Variants in CEP43 observed in about 807,000 individuals in gnomAD.
CEP43 encodes FGFR1 oncogene partner.
A neutral mutation model predicts 52.6 loss-of-function variants in CEP43; 36 were observed. The ratio of observed to expected loss-of-function variants is 0.68; its 90% CI spans 0.52 to 0.90. The LOEUF (loss-of-function observed/expected upper bound fraction) is 0.90. Among genes scored for constraint, CEP43 ranks in the 40% least tolerant of loss-of-function variants. The pLI is 0.00. For missense variants in CEP43, 506 were observed against 472.8 expected (o/e 1.07, Z -0.65); for synonymous variants, 192 against 172.4 (o/e 1.11, Z -0.89).
At chr6:167,027,998 GC>G in intron 10 of CEP43, 1 of 985,858 alleles carries the variant, frequency 1.0e-6, no homozygotes, top group Non-Finnish European at 1.2e-6. Context: ...AGCTAGGTGG[GC>G]CTGCCTCCTT....
At chr6:167,007,754 A>G (rs1480604357) in intron 5 of CEP43, among the ~76,000 whole-genome samples, 1 of 152,224 alleles carries the variant, frequency 6.6e-6, no homozygotes, top group Non-Finnish European at 1.5e-5. Context: ...AACCACCTCA[A>G]GAATCAGGTT....
At chr6:167,037,771 G>C (rs760632759) in intron 12 of CEP43, among the ~76,000 whole-genome samples, 7 of 152,192 alleles carry the variant, frequency 4.6e-5, no homozygotes, top group Non-Finnish European at 7.3e-5. Flanking sequence ...TCCTATTCTT[G>C]TGCGTTATTA....
chr6:167,012,125 C>T (rs1484786289), intron 6 of CEP43, among the ~76,000 whole-genome samples: 1 of 152,164 alleles, frequency 6.6e-6, no homozygotes, highest in African/African-American at 2.4e-5. Context: ...AGATGAACTT[C>T]CAGGACGTAG....
chr6:167,004,053 C>T (rs1230434533), intron 4 of CEP43: 5 of 597,254 alleles, frequency 8.4e-6, no homozygotes, highest in East Asian at 2.8e-5. Flanking sequence ...AATTTTGATA[C>T]GATGTTAGAG....
At chr6:167,014,427 T>A (rs1178830362) in intron 7 of CEP43, among the ~76,000 whole-genome samples, 1 of 152,206 alleles carries the variant, frequency 6.6e-6, no homozygotes, top group Non-Finnish European at 1.5e-5. Flanking sequence ...TCCAGTAGAT[T>A]AGCTGCTTAT....
In CEP43 at chr6:167,004,300, G is replaced by A. The variant is rs780519335; in HGVS notation, c.337G>A (p.Asp113Asn). ...CGAAGGTCGAGAGAATTTAGCCCGA[G>A]ATTTAGGTATAATTGAAGCAGAAGG... ...GLEGRENLAR[D>N]LGIIEAEGTV... Residue 113 changes from aspartate (D) to asparagine (N), a missense_variant, in exon 5 of 13, where the codon GAT becomes AAT. Asp to Asn is a conservative substitution (Grantham distance 23). Transcript: ENST00000366847. 1 of 1,609,412 alleles carries A rather than the reference G, an allele frequency of 6.2e-7. No individual in the cohort carries two copies. Among genetic ancestry groups the A allele is most frequent in the Non-Finnish European group, 8.5e-7 (1 of 1,177,750 alleles).
chr6:167,029,375 A>G (rs1780420655), intron 10 of CEP43, among the ~76,000 whole-genome samples: 1 of 152,272 alleles, frequency 6.6e-6, no homozygotes, highest in Admixed American at 6.5e-5. Flanking sequence ...GCTTGGGACC[A>G]GAAGTATTTC....
At position 167,004,393 on chromosome 6, in the gene CEP43, A is replaced by G. The variant is rs750026770; in HGVS notation, c.430A>G (p.Thr144Ala). Residue 144 changes from threonine to alanine, a missense_variant, in exon 5 of 13, where the codon ACT (threonine) becomes GCT (alanine). Coordinates refer to ENST00000366847, the MANE Select transcript of CEP43 (RefSeq NM_007045.4). Reference sequence around the variant, plus strand: ...TCAACAGAAAGAAAAAGGGCCAACCACTGGGGAAGTAAGTAGAATTCTGTG... The same window carrying G: ...TCAACAGAAAGAAAAAGGGCCAACCGCTGGGGAAGTAAGTAGAATTCTGTG... ...RCQQKEKGPT[T>A]GEGALDLSDV... is the part of the protein sequence containing the mutation. The G allele has an allele frequency of 1.3e-6, 2 of 1,588,562 alleles. No homozygotes were observed. The highest frequency in any genetic ancestry group is 1.8e-5 in the Admixed American group (1 of 55,112).
At chr6:167,038,700 AT>A (rs1457745961) in intron 12 of CEP43, among the ~76,000 whole-genome samples, 1 of 152,270 alleles carries the variant, frequency 6.6e-6, no homozygotes, top group Admixed American at 6.5e-5. Context: ...CTTAGTAGAC[AT>A]GATTTTAGGC....
At chr6:166,999,615 G>T in intron 1 of CEP43, 101 bp downstream of exon 1, 1 of 888,446 alleles carries the variant, frequency 1.1e-6, no homozygotes, top group Non-Finnish European at 1.6e-6. Context: ...CCCTGGCGAG[G>T]GACCGGGGCC....
chr6:167,036,738 A>AG, intron 12 of CEP43: 11 of 984,442 alleles, frequency 1.1e-5, no homozygotes, highest in Non-Finnish European at 1.1e-5. Flanking sequence ...TTTTGAACTA[A>AG]GTTGGTCACT....
At position 167,051,858 on chromosome 6, in the gene CEP43, T is replaced by C. The variant is rs1582967959; in HGVS notation, c.*11880T>C. On this transcript the variant is annotated 3_prime_UTR_variant, in exon 13 of 13. Transcript: ENST00000366847. ...CTTTGAATCAAAAGTTTGTCTCCTG[T>C]AGATAGCATATAGTTGGATAATTTT... 3 of 152,222 alleles carry C rather than the reference T, an allele frequency of 2.0e-5. No homozygotes were observed. In the South Asian group the frequency reaches 6.2e-4, roughly 31 times the overall value. 9.4% of individuals were successfully genotyped at this position (152,222 alleles called of 1,614,324 possible).
At chr6:167,001,518 A>G (rs142718251) in intron 2 of CEP43, among the ~76,000 whole-genome samples, 1 of 152,250 alleles carries the variant, frequency 6.6e-6, no homozygotes, top group Non-Finnish European at 1.5e-5. Flanking sequence ...GTCATTCTGT[A>G]CTGTCTCACA....
rs162295 is a variant in CEP43 at position 167,040,609 on chromosome 6, A to C, written c.*631A>C. 301,095 of 1,038,892 alleles carry C rather than the reference A, an allele frequency of 0.29. 45,584 individuals carry two copies. Among genetic ancestry groups the C allele is most frequent in the Admixed American group, 0.44 (8,775 of 19,740 alleles). 64.4% of individuals were successfully genotyped at this position (1,038,892 alleles called of 1,614,324 possible). A position where few individuals can be genotyped will look rare whatever the true frequency, so the allele number is the denominator to read the frequency against. ...TTTTGCTTGTTTTAAAGAAATCTAG[A>C]AGTGGTTATGAGTTTTAATTCATAG... is the stretch of plus-strand genomic sequence containing the variant. On this transcript the variant is annotated 3_prime_UTR_variant, in exon 13 of 13. Coordinates refer to ENST00000366847, the MANE Select transcript of CEP43 (RefSeq NM_007045.4).
At chr6:167,009,847 AAAT>A (rs1779947710) in intron 5 of CEP43, among the ~76,000 whole-genome samples, 1 of 140,204 alleles carries the variant, frequency 7.1e-6, no homozygotes, top group Admixed American at 6.9e-5. Flanking sequence ...AAAAAAAGAA[AAAT>A]AAAAGAAAGA....
rs1400956730 is a variant in CEP43, at chr6:167,050,361, C to T, written c.*10383C>T. 6.6e-6 allele frequency: 1 copy of T among 152,256 alleles called. No individual in the cohort carries two copies. The highest frequency in any genetic ancestry group is 6.5e-5 in the Admixed American group (1 of 15,286). 9.4% of individuals were successfully genotyped at this position (152,256 alleles called of 1,614,324 possible). Reference sequence around the variant, plus strand: ...TCCTTTATAAATTACCAAGCTGCGGCTATTTCTTCATAGCAGTGTGAGAAC... The same window carrying T: ...TCCTTTATAAATTACCAAGCTGCGGTTATTTCTTCATAGCAGTGTGAGAAC... On this transcript the variant is annotated 3_prime_UTR_variant, in exon 13 of 13. Coordinates refer to ENST00000366847, the MANE Select transcript of CEP43 (RefSeq NM_007045.4).
Position 167,041,858 on chromosome 6 carries a change from G to C in CEP43, c.*1880G>C, listed in dbSNP as rs778335167. 5 of 939,758 alleles carry C rather than the reference G, an allele frequency of 5.3e-6. No individual in the cohort carries two copies. The highest frequency in any genetic ancestry group is 6.0e-5 in the Admixed American group (1 of 16,720). The allele number at this position is 939,758 out of a possible 1,614,324, so 58.2% of individuals were successfully genotyped here. A position where few individuals can be genotyped will look rare whatever the true frequency, so the allele number is the denominator to read the frequency against. On this transcript the variant is annotated 3_prime_UTR_variant, in exon 13 of 13. Transcript: ENST00000366847. ...GGGGCGGGGGGGACAGAGTCTCACT[G>C]TGTCACTCAGACTGGAGTACAGTGA...
At position 167,048,102 on chromosome 6, in the gene CEP43, G is replaced by A. The variant is rs966880314; in HGVS notation, c.*8124G>A. ...TAGAAATCATCTGGACATTAAAACT[G>A]AATTGTAGGCAGGCGTGGTGGCTCA... On this transcript the variant is annotated 3_prime_UTR_variant, in exon 13 of 13. Coordinates refer to ENST00000366847, the MANE Select transcript of CEP43 (RefSeq NM_007045.4). The A allele has an allele frequency of 6.6e-6, 1 of 152,272 alleles. No homozygotes were observed. Among genetic ancestry groups the A allele is most frequent in the Admixed American group, 6.5e-5 (1 of 15,290 alleles). 9.4% of individuals were successfully genotyped at this position (152,272 alleles called of 1,614,324 possible). A position where few individuals can be genotyped will look rare whatever the true frequency, so the allele number is the denominator to read the frequency against.
intron 10 of CEP43, chr6:167,028,307 C>A: frequency 1.0e-6 from 1 of 985,348 alleles, no homozygotes; most frequent in South Asian, 4.7e-5. Flanking sequence ...AATGTCGTTG[C>A]TGGGGCTGCA....
Sources: gnomAD v4.1 joint callset for allele counts (sites outside exome capture counted in the v4.1 genomes callset) on GRCh38, gnomAD v4.1.1 for gene constraint, MANE v1.5 for transcripts, NCBI Gene and HGNC (gene_info 2026-07-23, HGNC 2026-07-21) for gene names.